Variants in TRAF5 observed in about 807,000 individuals in gnomAD.
TRAF5 encodes the protein TNF receptor-associated factor 5.
Under a neutral mutation model 64.5 loss-of-function variants are expected in TRAF5, and 48 were observed. The ratio of observed to expected loss-of-function variants is 0.74; its 90% CI spans 0.59 to 0.95. The LOEUF (loss-of-function observed/expected upper bound fraction) is 0.95. TRAF5 is among the 40% of genes least tolerant of loss of function. TRAF5 has a pLI of 0.00. For synonymous variants in TRAF5, 206 were observed against 240.5 expected (o/e 0.86, Z 1.33); for missense variants, 545 against 662.8 (o/e 0.82, Z 1.95).
At position 211,353,221 on chromosome 1, in the gene TRAF5, C is replaced by T. The variant is rs1389794015; in HGVS notation, c.-1-18C>T. 15 of 1,612,206 alleles carry T rather than the reference C, an allele frequency of 9.3e-6. No individual in the cohort carries two copies. The highest frequency in any genetic ancestry group is 1.2e-5 in the Non-Finnish European group (14 of 1,178,436). On this transcript the variant is annotated intron_variant, in intron 1 of 10. Transcript: ENST00000261464. ...GTTTGCACACTTAATTTTCCCTCTC[C>T]TCCCCTGACCTCTGCAGAATGGCTT...
intron 1 of TRAF5, among the ~76,000 whole-genome samples, chr1:211,350,251 G>A (rs1438675287): frequency 7.0e-6 from 1 of 142,450 alleles, no homozygotes; most frequent in Non-Finnish European, 1.5e-5. Flanking sequence ...CTCTCGCCCT[G>A]TCACCCGGGC....
chr1:211,340,784 T>C (rs4951743), intron 1 of TRAF5, among the ~76,000 whole-genome samples: 140,030 of 152,310 alleles, frequency 0.92, 64,621 homozygotes, highest in Middle Eastern at 0.98. Flanking sequence ...TCCACATTCT[T>C]ACCACCTGTT....
chr1:211,353,931 T>C (rs1396208208), intron 2 of TRAF5, among the ~76,000 whole-genome samples: 1 of 152,112 alleles, frequency 6.6e-6, no homozygotes, highest in East Asian at 1.9e-4. Context: ...AGGTACACTT[T>C]GGGGGGTTAT....
intron 5 of TRAF5, chr1:211,360,361 C>G: frequency 2.0e-6 from 1 of 495,260 alleles, no homozygotes; most frequent in Non-Finnish European, 3.6e-6. Flanking sequence ...TGTCTACTCT[C>G]TGAATTCTGC....
chr1:211,362,269 T>TA (rs1433536930), intron 7 of TRAF5, among the ~76,000 whole-genome samples: 2 of 152,366 alleles, frequency 1.3e-5, no homozygotes, highest in African/African-American at 4.8e-5. Context: ...TTTTAGGCAT[T>TA]AAAATATGTC....
intron 1 of TRAF5, among the ~76,000 whole-genome samples, chr1:211,334,307 T>C (rs1335627792): frequency 6.6e-6 from 1 of 152,182 alleles, no homozygotes; most frequent in African/African-American, 2.4e-5. Context: ...GTCATGTAGA[T>C]ACCTTCATCT....
chr1:211,337,430 G>C (rs539624542), intron 1 of TRAF5, among the ~76,000 whole-genome samples: 83 of 152,338 alleles, frequency 5.4e-4, no homozygotes, highest in African/African-American at 1.8e-3. Flanking sequence ...TAAGGACACA[G>C]AGAATGGAGA....
At chr1:211,334,980 G>A (rs1432798957) in intron 1 of TRAF5, among the ~76,000 whole-genome samples, 3 of 152,214 alleles carry the variant, frequency 2.0e-5, no homozygotes, top group African/African-American at 7.2e-5. Context: ...TCCTACTGCT[G>A]TGTGGCCCTT....
intron 1 of TRAF5, among the ~76,000 whole-genome samples, chr1:211,333,176 TTTTTGTTTTG>T (rs1005840337): frequency 6.6e-6 from 1 of 152,158 alleles, no homozygotes; most frequent in Non-Finnish European, 1.5e-5. Context: ...GCCCTTCTTT[TTTTTGTTTTG>T]TTTTGTTTTG....
At chr1:211,354,520 T>C in intron 3 of TRAF5, 53 bp downstream of exon 3, 2 of 1,574,184 alleles carry the variant, frequency 1.3e-6, no homozygotes, top group Non-Finnish European at 1.7e-6. Context: ...GGAGAAGAAG[T>C]CAGTGAATTG....
At position 211,359,719 on chromosome 1, in the gene TRAF5, G is replaced by C. The variant is rs1703109144; in HGVS notation, c.379-193G>C. 6 of 530,692 alleles carry C rather than the reference G, an allele frequency of 1.1e-5. No homozygotes were observed. The East Asian group carries it at 1.8e-4, about 16-fold the overall frequency. 32.9% of individuals were successfully genotyped at this position (530,692 alleles called of 1,614,324 possible). ...GGCTTTCCCATCTCTGGTACAAGCAGCCCTCCCCATGCCCTCTCCTCAGCA... is the reference window on the plus strand; with the variant it reads ...GGCTTTCCCATCTCTGGTACAAGCACCCCTCCCCATGCCCTCTCCTCAGCA... On this transcript the variant is annotated intron_variant, in intron 4 of 10. Transcript: ENST00000261464.
chr1:211,363,429 T>G (rs1470712463), intron 7 of TRAF5, among the ~76,000 whole-genome samples: 1 of 152,194 alleles, frequency 6.6e-6, no homozygotes, highest in Non-Finnish European at 1.5e-5. Flanking sequence ...ATGTTCTCAT[T>G]TGTGTTAAAA....
chr1:211,327,433 G>C (rs1702049818), intron 1 of TRAF5, among the ~76,000 whole-genome samples: 1 of 152,186 alleles, frequency 6.6e-6, no homozygotes, highest in Admixed American at 6.5e-5. Context: ...GTTCGTTTGC[G>C]CGTCTTCCTT....
intron 4 of TRAF5, chr1:211,356,766 A>G: frequency 4.2e-6 from 1 of 238,870 alleles, no homozygotes; most frequent in Non-Finnish European, 8.2e-6. Flanking sequence ...TGCTGGACAA[A>G]ACAAACACTC....
chr1:211,333,494 G>T lies in TRAF5; in HGVS notation c.-2+6605G>T, dbSNP rs1442689864. ...TGGGATTACAGGCGTGAGCCACGGTGCCCAGTCTTGTTTTGTTTTTTGAGA... is the reference window on the plus strand; with the variant it reads ...TGGGATTACAGGCGTGAGCCACGGTTCCCAGTCTTGTTTTGTTTTTTGAGA... On this transcript the variant is annotated intron_variant, in intron 1 of 10. Transcript: ENST00000261464. Among the ~76,000 whole-genome samples the T allele has an allele frequency of 2.0e-5, 3 of 149,840 alleles. 1 individual carries two copies. The East Asian group carries it at 6.1e-4, about 30-fold the overall frequency.
rs1450320273 is a variant in TRAF5 at position 211,373,700 on chromosome 1, G to A, written c.*998G>A. 6.6e-6 allele frequency: 1 copy of A among 152,132 alleles called. No individual in the cohort carries two copies. The highest frequency in any genetic ancestry group is 1.5e-5 in the Non-Finnish European group (1 of 68,016). 9.4% of individuals were successfully genotyped at this position (152,132 alleles called of 1,614,324 possible). A position where few individuals can be genotyped will look rare whatever the true frequency, so the allele number is the denominator to read the frequency against. On this transcript the variant is annotated 3_prime_UTR_variant, in exon 11 of 11. Transcript: ENST00000261464. ...CCTATGGGTGTCAGAAGTACTCTCA[G>A]CGAAAACTGATGGCTAAAACAGTAT...
At chr1:211,339,939 A>G (rs1327881781) in intron 1 of TRAF5, among the ~76,000 whole-genome samples, 1 of 152,178 alleles carries the variant, frequency 6.6e-6, no homozygotes, top group Non-Finnish European at 1.5e-5. Flanking sequence ...ATAAACTTAC[A>G]CAAAGTCAGC....
chr1:211,352,256 A>G (rs564029274), intron 1 of TRAF5, among the ~76,000 whole-genome samples: 1 of 152,158 alleles, frequency 6.6e-6, no homozygotes, highest in South Asian at 2.1e-4. Context: ...AGTAGGCAAA[A>G]TGAGAGAGAG....
At chr1:211,326,768 TCCGCCCGCGCCCCGGCC>T (rs1702022991), upstream of TRAF5, 1 of 983,942 alleles carries the variant, frequency 1.0e-6, no homozygotes, top group Non-Finnish European at 1.2e-6. The surrounding 1 kb of genome is among the most constrained non-coding windows in gnomAD (Gnocchi z 5.0). Context: ...CCCGCGCCCC[TCCGCCCGCGCCCCGGCC>T]CCGCCCCAGG....
Sources: allele counts gnomAD v4.1 joint callset (sites outside exome capture counted in the v4.1 genomes callset), GRCh38; gene constraint gnomAD v4.1.1; non-coding constraint Gnocchi (gnomAD v3.1); transcripts MANE v1.5; gene names NCBI Gene and HGNC (gene_info 2026-07-23, HGNC 2026-07-21).